Variants in MSRA observed in about 807,000 individuals in gnomAD.
MSRA encodes the protein methionine sulfoxide reductase A, also known as mitochondrial peptide methionine sulfoxide reductase.
MSRA carries 54 observed loss-of-function variants against 31.3 expected under a neutral mutation model. The observed-to-expected ratio is 1.73, with a 90% CI of 1.39 to 2.17. MSRA has a LOEUF of 2.17. MSRA is among the 30% of genes most tolerant of loss of function. MSRA has a pLI of 0.00. For synonymous variants in MSRA, 169 were observed against 116.5 expected (o/e 1.45, Z -2.90); for missense variants, 507 against 300.9 (o/e 1.69, Z -5.07).
chr8:10,169,083 C>T (rs1259864944), intron 1 of MSRA, among the ~76,000 whole-genome samples: 2 of 152,206 alleles, frequency 1.3e-5, no homozygotes, highest in African/African-American at 4.8e-5. Context: ...AGATAGCTCT[C>T]TTTTCCAAAT....
At chr8:10,196,478 C>T (rs1807999458) in intron 1 of MSRA, among the ~76,000 whole-genome samples, 2 of 151,718 alleles carry the variant, frequency 1.3e-5, no homozygotes, top group African/African-American at 4.8e-5. Context: ...AATAACTTTG[C>T]TGCTTCTGTG....
intron 1 of MSRA, among the ~76,000 whole-genome samples, chr8:10,111,424 A>T (rs932212655): frequency 1.3e-4 from 20 of 152,128 alleles, no homozygotes; most frequent in African/African-American, 4.1e-4. Flanking sequence ...AAACAATAGG[A>T]TGCTAGGTTC....
intron 2 of MSRA, among the ~76,000 whole-genome samples, chr8:10,240,989 C>A (rs1003297398): frequency 3.3e-5 from 5 of 152,070 alleles, no homozygotes; most frequent in African/African-American, 1.2e-4. Flanking sequence ...CTCACGCGTG[C>A]CCTCTGGTCC....
chr8:10,178,992 C>G (rs935122862), intron 1 of MSRA, among the ~76,000 whole-genome samples: 1 of 152,012 alleles, frequency 6.6e-6, no homozygotes. Flanking sequence ...GGAATCATAC[C>G]TGCATGCAAA....
chr8:10,317,415 G>A (rs2129136239), intron 4 of MSRA, among the ~76,000 whole-genome samples: 1 of 152,346 alleles, frequency 6.6e-6, no homozygotes, highest in East Asian at 1.9e-4. Context: ...CATTATAGAT[G>A]AAGCGTTTCT....
intron 1 of MSRA, among the ~76,000 whole-genome samples, chr8:10,104,165 C>G (rs545792210): frequency 6.6e-6 from 1 of 152,252 alleles, no homozygotes; most frequent in East Asian, 1.9e-4. Flanking sequence ...TGTCATGACC[C>G]TCCTACACAT....
chr8:10,420,091 T>C lies in MSRA; in HGVS notation c.544-8057T>C, dbSNP rs574121683. The stretch of plus-strand genomic sequence containing the variant: ...AATATGGCATGTACGTAGAGTGGAA[T>C]AGTGTGCAGCCTTAAAAAGAAAGGG... On this transcript the variant is annotated intron_variant, in intron 5 of 5. Coordinates refer to ENST00000317173, the MANE Select transcript of MSRA (RefSeq NM_012331.5). 2.6e-5 allele frequency among the ~76,000 whole-genome samples: 4 copies of C among 152,266 alleles called. No individual in the cohort carries two copies. In the East Asian group the frequency reaches 7.7e-4, roughly 29 times the overall value.
chr8:10,418,107 C>T (rs1808592914), intron 5 of MSRA, among the ~76,000 whole-genome samples: 1 of 152,098 alleles, frequency 6.6e-6, no homozygotes, highest in Non-Finnish European at 1.5e-5. Flanking sequence ...TTTCATACCA[C>T]CACAATACTT....
chr8:10,420,446 A>G (rs1391776045), intron 5 of MSRA, among the ~76,000 whole-genome samples: 3 of 152,196 alleles, frequency 2.0e-5, no homozygotes, highest in African/African-American at 7.2e-5. Context: ...CTACCCCAAA[A>G]CTTAATGACA....
chr8:10,144,103 G>A (rs1232456135), intron 1 of MSRA, among the ~76,000 whole-genome samples: 2 of 152,108 alleles, frequency 1.3e-5, no homozygotes, highest in South Asian at 2.1e-4. Flanking sequence ...TATAGTGACC[G>A]GATTTAGCAG....
At chr8:10,426,299 G>C (rs1404475491) in intron 5 of MSRA, among the ~76,000 whole-genome samples, 1 of 152,218 alleles carries the variant, frequency 6.6e-6, no homozygotes, top group African/African-American at 2.4e-5. Flanking sequence ...AAGCTGGATG[G>C]ATTCTACAGA....
intron 1 of MSRA, among the ~76,000 whole-genome samples, chr8:10,114,935 A>G (rs889673000): frequency 2.0e-5 from 3 of 152,220 alleles, no homozygotes; most frequent in South Asian, 2.1e-4. Flanking sequence ...CACTCAAGAT[A>G]TATTTGGGGG....
At chr8:10,227,135 A>G (rs1811070740) in intron 2 of MSRA, among the ~76,000 whole-genome samples, 1 of 152,182 alleles carries the variant, frequency 6.6e-6, no homozygotes, top group African/African-American at 2.4e-5. Context: ...GATAGTGAGT[A>G]GATCCTAAAA....
intron 1 of MSRA, among the ~76,000 whole-genome samples, chr8:10,078,689 G>C (rs2128922000): frequency 6.6e-6 from 1 of 152,344 alleles, no homozygotes; most frequent in East Asian, 1.9e-4. Flanking sequence ...AATGGTAGCT[G>C]GTCCCAAGCT....
intron 1 of MSRA, among the ~76,000 whole-genome samples, chr8:10,174,308 A>G (rs971060310): frequency 6.6e-6 from 1 of 152,148 alleles, no homozygotes; most frequent in African/African-American, 2.4e-5. Flanking sequence ...GCTAGAAAAG[A>G]GAAGGTGAGC....
chr8:10,408,060 G>A (rs1807928130), intron 5 of MSRA, among the ~76,000 whole-genome samples: 1 of 152,102 alleles, frequency 6.6e-6, no homozygotes, highest in South Asian at 2.1e-4. Context: ...TGTTTCAAGA[G>A]TAATCACGAG....
At chr8:10,253,370 C>T (rs950917092) in intron 3 of MSRA, among the ~76,000 whole-genome samples, 1 of 152,158 alleles carries the variant, frequency 6.6e-6, no homozygotes, top group Non-Finnish European at 1.5e-5. Context: ...TCACGTCTCT[C>T]CTTGAACAGC....
At chr8:10,245,298 C>T (rs956763316) in intron 3 of MSRA, 75 bp downstream of exon 3, 54 of 1,339,926 alleles carry the variant, frequency 4.0e-5, no homozygotes, top group Middle Eastern at 3.7e-4. Context: ...GTGACAGGCT[C>T]TTTAAAATGG....
intron 5 of MSRA, among the ~76,000 whole-genome samples, chr8:10,390,215 T>A (rs756886663): frequency 2.6e-5 from 4 of 152,230 alleles, no homozygotes; most frequent in African/African-American, 7.2e-5. Flanking sequence ...CAGGGTCTGC[T>A]CTGAGGGGAT....
Sources: gnomAD v4.1 joint callset for allele counts (sites outside exome capture counted in the v4.1 genomes callset) on GRCh38, gnomAD v4.1.1 for gene constraint, MANE v1.5 for transcripts, NCBI Gene and HGNC (gene_info 2026-07-23, HGNC 2026-07-21) for gene names.